The following ELOVL6 variants were observed in gnomAD, a reference collection of about 807,000 sequenced individuals.
ELOVL6 encodes very long chain fatty acid elongase 6.
A neutral mutation model predicts 31.7 loss-of-function variants in ELOVL6; 8 were observed. The ratio of observed to expected loss-of-function variants is 0.25; its 90% confidence interval spans 0.15 to 0.45. The LOEUF is 0.45. Ranked by LOEUF, ELOVL6 falls within the 20% of genes least tolerant of loss-of-function variation. ELOVL6 has a pLI of 1.00. For synonymous variants in ELOVL6, 101 were observed against 117.7 expected (o/e 0.86, Z 0.92); for missense variants, 126 against 326.4 (o/e 0.39, Z 4.73).
chr4:110,077,692 C>G (rs766313070), intron 2 of ELOVL6, among the ~76,000 whole-genome samples: 13 of 152,120 alleles, frequency 8.5e-5, no homozygotes, highest in Non-Finnish European at 1.9e-4. Flanking sequence ...CTCTCCTCCC[C>G]CAAAGGAACG....
chr4:110,084,158 A>ATATAACT lies in ELOVL6; in HGVS notation c.221+21338_221+21339insAGTTATA, dbSNP rs1560814289. ...TAATGATATATATGATATATATAAC[A>ATATAACT]TATATGTGATATATATGATATATAT... On this transcript the variant is annotated intron_variant, in intron 2 of 3. Transcript: ENST00000302274. Among the ~76,000 whole-genome samples the ATATAACT allele has an allele frequency of 4.9e-5, 5 of 101,986 alleles. 1 individual carries two copies. The highest frequency in any genetic ancestry group is 3.0e-4 in the African/African-American group (5 of 16,644). The allele number at this position is 101,986 out of a possible 152,430, so 66.9% of individuals were successfully genotyped here.
intron 1 of ELOVL6, among the ~76,000 whole-genome samples, chr4:110,190,252 T>C (rs892866379): frequency 6.6e-6 from 1 of 151,346 alleles, no homozygotes; most frequent in Admixed American, 6.6e-5. Flanking sequence ...TCTCCTGTAC[T>C]TTTTTTTTGT....
intron 1 of ELOVL6, among the ~76,000 whole-genome samples, chr4:110,185,664 C>T (rs1275876848): frequency 6.6e-6 from 1 of 152,080 alleles, no homozygotes; most frequent in Non-Finnish European, 1.5e-5. Flanking sequence ...AGTATTAAGA[C>T]AACCATGCAG....
intron 1 of ELOVL6, among the ~76,000 whole-genome samples, chr4:110,145,617 A>C (rs902700196): frequency 6.6e-6 from 1 of 152,178 alleles, no homozygotes; most frequent in African/African-American, 2.4e-5. Context: ...TTTCAGCTCT[A>C]TGACCTTGCA....
At chr4:110,072,796 TC>T (rs1446983190) in intron 2 of ELOVL6, among the ~76,000 whole-genome samples, 2 of 152,174 alleles carry the variant, frequency 1.3e-5, no homozygotes, top group Non-Finnish European at 2.9e-5. Context: ...TGGGGTCCTC[TC>T]ATCTCCATTT....
At chr4:110,052,679 G>T (rs1754866103) in intron 3 of ELOVL6, among the ~76,000 whole-genome samples, 1 of 152,162 alleles carries the variant, frequency 6.6e-6, no homozygotes, top group African/African-American at 2.4e-5. Context: ...AAGTTTCAGG[G>T]CTCTGAAAAT....
At chr4:110,078,776 A>T (rs1346208375) in intron 2 of ELOVL6, among the ~76,000 whole-genome samples, 4 of 152,332 alleles carry the variant, frequency 2.6e-5, no homozygotes, top group South Asian at 2.1e-4. Flanking sequence ...AATGCTCCAA[A>T]TTAAAGACAC....
At position 110,137,893 on chromosome 4, in the gene ELOVL6, T is replaced by C. The variant is rs79366794; in HGVS notation, c.90-32265A>G. On this transcript the variant is annotated intron_variant, in intron 1 of 3. Coordinates refer to ENST00000302274, the MANE Select transcript of ELOVL6 (RefSeq NM_024090.3). The stretch of plus-strand genomic sequence containing the variant: ...TAGGGCAGAGCTTAACTGTATCTCA[T>C]GTAGCACCTACATCATTCTTCAGAC... Among the ~76,000 whole-genome samples the C allele has an allele frequency of 9.2e-4, 140 of 152,366 alleles. 1 individual carries two copies. Among genetic ancestry groups the C allele is most frequent in the Admixed American group, 3.6e-3 (55 of 15,306 alleles).
rs1250129850 is a variant in ELOVL6 at position 110,078,517 on chromosome 4, T to C, written c.222-18763A>G. 5.9e-5 allele frequency among the ~76,000 whole-genome samples: 9 copies of C among 152,238 alleles called. No individual in the cohort carries two copies. In the South Asian group the frequency reaches 1.2e-3, roughly 21 times the overall value. On this transcript the variant is annotated intron_variant, in intron 2 of 3. Coordinates refer to ENST00000302274, the MANE Select transcript of ELOVL6 (RefSeq NM_024090.3). ...CTTCATAAGTGAAGGAGAAATAAAA[T>C]ACTTTACAGACAAGCAAATGCTGAG...
At chr4:110,158,500 A>G (rs1206686876) in intron 1 of ELOVL6, among the ~76,000 whole-genome samples, 3 of 141,450 alleles carry the variant, frequency 2.1e-5, no homozygotes, top group Non-Finnish European at 4.8e-5. Flanking sequence ...CGATCAGTCA[A>G]GAACCAGGAC....
Position 110,166,264 on chromosome 4 carries a change from C to T in ELOVL6, c.89+31983G>A, listed in dbSNP as rs180884033. On this transcript the variant is annotated intron_variant, in intron 1 of 3. Transcript: ENST00000302274. ...AGGACCTTGGTTTGTTCTTAACTTA[C>T]TTGAGCAATAATGAGACATCACCTT... is the stretch of plus-strand genomic sequence containing the variant. Among the ~76,000 whole-genome samples the T allele has an allele frequency of 2.2e-4, 33 of 152,274 alleles. No homozygotes were observed. The East Asian group carries it at 5.4e-3, about 25-fold the overall frequency.
rs183022357 is a variant in ELOVL6 at position 110,147,956 on chromosome 4, T to C, written c.90-42328A>G. ...ATGGTGAAACCCCATCTCTACTAAATACAAAAAATTAGCTGGGTGTGGTGG... is the reference window on the plus strand; with the variant it reads ...ATGGTGAAACCCCATCTCTACTAAACACAAAAAATTAGCTGGGTGTGGTGG... On this transcript the variant is annotated intron_variant, in intron 1 of 3. Transcript: ENST00000302274. Among the ~76,000 whole-genome samples the C allele has an allele frequency of 4.1e-4, 62 of 151,912 alleles. 1 individual carries two copies. The highest frequency in any genetic ancestry group is 1.4e-3 in the African/African-American group (60 of 41,472).
At chr4:110,196,465 G>C (rs575275791) in intron 1 of ELOVL6, among the ~76,000 whole-genome samples, 10 of 152,210 alleles carry the variant, frequency 6.6e-5, no homozygotes, top group Non-Finnish European at 1.0e-4. Flanking sequence ...AGCGGGAGGA[G>C]GAAGTGCATC....
chr4:110,174,173 T>A (rs1369580425), intron 1 of ELOVL6, among the ~76,000 whole-genome samples: 1 of 151,202 alleles, frequency 6.6e-6, no homozygotes, highest in Non-Finnish European at 1.5e-5. Flanking sequence ...TCTTTTTTTT[T>A]TTTTTTTTGA....
intron 2 of ELOVL6, among the ~76,000 whole-genome samples, chr4:110,092,806 C>T (rs937473556): frequency 2.0e-5 from 3 of 151,986 alleles, no homozygotes; most frequent in African/African-American, 7.3e-5. Context: ...TTGTAGTACA[C>T]ACACACACAC....
intron 2 of ELOVL6, among the ~76,000 whole-genome samples, chr4:110,083,711 T>C (rs550310105): frequency 6.6e-6 from 1 of 151,294 alleles, no homozygotes; most frequent in African/African-American, 2.4e-5. Context: ...ATTCATATTA[T>C]TATAAAAGTA....
At chr4:110,065,829 C>A (rs971712740) in intron 2 of ELOVL6, among the ~76,000 whole-genome samples, 25 of 152,120 alleles carry the variant, frequency 1.6e-4, no homozygotes, top group African/African-American at 5.6e-4. Context: ...GGGTATAAAT[C>A]ATCAATACTT....
chr4:110,196,529 C>G (rs1269971938), intron 1 of ELOVL6, among the ~76,000 whole-genome samples: 1 of 152,200 alleles, frequency 6.6e-6, no homozygotes, highest in Non-Finnish European at 1.5e-5. Flanking sequence ...CCCCGAAACG[C>G]CGAGGTCTAT....
chr4:110,119,512 C>T (rs754691950), intron 1 of ELOVL6, among the ~76,000 whole-genome samples: 2 of 152,168 alleles, frequency 1.3e-5, no homozygotes, highest in South Asian at 2.1e-4. Flanking sequence ...CAGGAAGCTG[C>T]GCTCCTGCTT....
Sources: gnomAD v4.1 joint callset for allele counts (sites outside exome capture counted in the v4.1 genomes callset) on GRCh38, gnomAD v4.1.1 for gene constraint, MANE v1.5 for transcripts, NCBI Gene and HGNC (gene_info 2026-07-23, HGNC 2026-07-21) for gene names.